The following SIPA1L1 variants were observed in gnomAD, a reference collection of about 807,000 sequenced individuals.
SIPA1L1 encodes signal induced proliferation associated 1 like 1, also known as signal-induced proliferation-associated 1-like protein 1.
In SIPA1L1, 26 loss-of-function variants were observed where a neutral mutation model predicts 162.7. That is an observed-to-expected ratio of 0.16 (90% CI 0.12 to 0.22). The LOEUF is 0.22. Among genes scored for constraint, SIPA1L1 ranks in the 10% least tolerant of loss-of-function variants. The probability of loss-of-function intolerance (pLI) is 1.00; values close to 1 mark genes in which losing one functional copy is unlikely to be tolerated. For missense variants in SIPA1L1, 1,874 were observed against 2,241.0 expected, an observed-to-expected ratio of 0.84 and a Z score of 3.31; for synonymous variants, 829 against 837.4, an observed-to-expected ratio of 0.99 and a Z score of 0.17.
rs1343923020 is a variant in SIPA1L1, at chr14:71,404,918, G to C, written c.-465+83737G>C. Reference sequence around the variant, plus strand: ...TGCTTTCCCATACCGATCTGCAAATGTTTTGGTTCTTGGTATTGTAATAGT... The same window carrying C: ...TGCTTTCCCATACCGATCTGCAAATCTTTTGGTTCTTGGTATTGTAATAGT... On this transcript the variant is annotated intron_variant, in intron 2 of 23. Transcript: ENST00000381232. 2.6e-5 allele frequency among the ~76,000 whole-genome samples: 4 copies of C among 152,190 alleles called. No homozygotes were observed. In the East Asian group the frequency reaches 7.7e-4, roughly 29 times the overall value.
At chr14:71,343,036 C>T (rs2035814659) in intron 2 of SIPA1L1, among the ~76,000 whole-genome samples, 1 of 152,184 alleles carries the variant, frequency 6.6e-6, no homozygotes, top group African/African-American at 2.4e-5. Context: ...TCATTTATAG[C>T]AAGATGTGCA....
rs575839053 is a variant in SIPA1L1 at position 71,563,834 on chromosome 14, C to A, written c.-302-23737C>A. Among the ~76,000 whole-genome samples, 9 of 152,348 alleles carry A rather than the reference C, an allele frequency of 5.9e-5. No individual in the cohort carries two copies. In the South Asian group the frequency reaches 1.9e-3, roughly 32 times the overall value. On this transcript the variant is annotated intron_variant, in intron 4 of 23. Coordinates refer to ENST00000381232, the MANE Select transcript of SIPA1L1 (RefSeq NM_001386936.1). The stretch of plus-strand genomic sequence containing the variant: ...GCAGTGGTCCTGTGTATTCTTACTG[C>A]ACTGTATGTATATTTCCAGGCATTT...
At chr14:71,388,561 C>T (rs1297448284) in intron 2 of SIPA1L1, among the ~76,000 whole-genome samples, 1 of 152,190 alleles carries the variant, frequency 6.6e-6, no homozygotes, top group Non-Finnish European at 1.5e-5. Context: ...ACTCTAGAGG[C>T]ACTTTGTTGG....
At chr14:71,332,331 T>A (rs530279047) in intron 2 of SIPA1L1, among the ~76,000 whole-genome samples, 16 of 152,318 alleles carry the variant, frequency 1.1e-4, no homozygotes, top group African/African-American at 3.6e-4. Context: ...TAGTGACTTA[T>A]GTGGCCCTTG....
At chr14:71,675,766 C>G (rs1291093789) in intron 12 of SIPA1L1, among the ~76,000 whole-genome samples, 1 of 152,140 alleles carries the variant, frequency 6.6e-6, no homozygotes, top group Non-Finnish European at 1.5e-5. Flanking sequence ...AGCTGCTCCT[C>G]TACCCCTCAG....
intron 7 of SIPA1L1, 112 bp downstream of exon 7, chr14:71,624,348 T>A: frequency 1.1e-6 from 1 of 876,912 alleles, no homozygotes; most frequent in Non-Finnish European, 1.7e-6. Flanking sequence ...CTTTTTATTG[T>A]GAAAGACACT....
chr14:71,359,684 A>T (rs545764635), intron 2 of SIPA1L1, among the ~76,000 whole-genome samples: 1 of 152,298 alleles, frequency 6.6e-6, no homozygotes, highest in East Asian at 1.9e-4. Context: ...TTAATTGAGG[A>T]TGGCAAAATC....
chr14:71,628,833 C>CA (rs1460393210), intron 7 of SIPA1L1, among the ~76,000 whole-genome samples: 1 of 152,084 alleles, frequency 6.6e-6, no homozygotes, highest in Non-Finnish European at 1.5e-5. Flanking sequence ...ATACTCAGAA[C>CA]AATAAGAACG....
intron 4 of SIPA1L1, among the ~76,000 whole-genome samples, chr14:71,558,229 G>C (rs763696390): frequency 6.6e-6 from 1 of 152,122 alleles, no homozygotes; most frequent in Non-Finnish European, 1.5e-5. Context: ...GTGAATATCA[G>C]GGCACGGACT....
At chr14:71,485,740 G>A (rs2048703395) in intron 2 of SIPA1L1, among the ~76,000 whole-genome samples, 1 of 152,122 alleles carries the variant, frequency 6.6e-6, no homozygotes, top group South Asian at 2.1e-4. Flanking sequence ...ACTGCCCCCA[G>A]TGTGTGGAAA....
chr14:71,551,722 T>A (rs963099196), intron 4 of SIPA1L1, among the ~76,000 whole-genome samples: 1 of 152,046 alleles, frequency 6.6e-6, no homozygotes, highest in African/African-American at 2.4e-5. Context: ...CCCCACACCA[T>A]CTGTCTTTTC....
At chr14:71,689,320 G>A (rs1176006340) in intron 13 of SIPA1L1, among the ~76,000 whole-genome samples, 1 of 152,176 alleles carries the variant, frequency 6.6e-6, no homozygotes, top group African/African-American at 2.4e-5. Context: ...AAATATATGA[G>A]TTTTATGCTC....
At chr14:71,438,935 A>G (rs902180511) in intron 2 of SIPA1L1, among the ~76,000 whole-genome samples, 5 of 151,674 alleles carry the variant, frequency 3.3e-5, no homozygotes, top group African/African-American at 9.7e-5. Flanking sequence ...GAAGGAAAGT[A>G]CTTGGAATTG....
intron 2 of SIPA1L1, among the ~76,000 whole-genome samples, chr14:71,434,503 C>T (rs183943640): frequency 6.6e-6 from 1 of 152,220 alleles, no homozygotes; most frequent in Non-Finnish European, 1.5e-5. Context: ...CAGATTTCAC[C>T]TGTTTTTCTG....
At chr14:71,432,924 T>C (rs946161416) in intron 2 of SIPA1L1, among the ~76,000 whole-genome samples, 6 of 152,214 alleles carry the variant, frequency 3.9e-5, no homozygotes, top group Non-Finnish European at 2.9e-5. Context: ...ATGTTACAGG[T>C]AGCTCTTCCA....
intron 4 of SIPA1L1, among the ~76,000 whole-genome samples, chr14:71,563,100 A>G (rs918226651): frequency 6.6e-6 from 1 of 152,212 alleles, no homozygotes; most frequent in Non-Finnish European, 1.5e-5. Flanking sequence ...ACTAAGAATA[A>G]TACCTGGCGT....
intron 2 of SIPA1L1, among the ~76,000 whole-genome samples, chr14:71,429,505 A>G (rs1372250615): frequency 1.3e-5 from 2 of 148,658 alleles, no homozygotes; most frequent in African/African-American, 5.0e-5. Context: ...ATGGGGATTG[A>G]TTTTTTTTTT....
chr14:71,524,824 C>T (rs1221085856), intron 3 of SIPA1L1, among the ~76,000 whole-genome samples: 3 of 152,098 alleles, frequency 2.0e-5, no homozygotes, highest in Admixed American at 6.5e-5. Context: ...CAGATATGAC[C>T]GACTCATTCA....
chr14:71,506,772 G>T (rs1242285989), intron 2 of SIPA1L1, among the ~76,000 whole-genome samples: 1 of 150,464 alleles, frequency 6.6e-6, no homozygotes, highest in Non-Finnish European at 1.5e-5. Flanking sequence ...ATTTCTCTAT[G>T]AATTCTCTCC....
Sources: gnomAD v4.1 joint callset for allele counts (sites outside exome capture counted in the v4.1 genomes callset) on GRCh38, gnomAD v4.1.1 for gene constraint, MANE v1.5 for transcripts, NCBI Gene and HGNC (gene_info 2026-07-23, HGNC 2026-07-21) for gene names.